TIAM2: variants seen among roughly 807,000 people sequenced by gnomAD.
TIAM2 encodes the protein TIAM Rac1 associated GEF 2.
Under a neutral mutation model 152.9 loss-of-function variants are expected in TIAM2, and 80 were observed. The ratio of observed to expected loss-of-function variants is 0.52; its 90% CI spans 0.44 to 0.63. The LOEUF is 0.63. Among genes scored for constraint, TIAM2 ranks in the 30% least tolerant of loss-of-function variants. The pLI is 0.00. For synonymous variants in TIAM2, 804 were observed against 838.0 expected (o/e 0.96, Z 0.70); for missense variants, 1,965 against 2,120.1 (o/e 0.93, Z 1.44).
At chr6:155,008,719 C>T (rs113997220) in intron 1 of TIAM2, among the ~76,000 whole-genome samples, 1 of 152,114 alleles carries the variant, frequency 6.6e-6, no homozygotes. Context: ...CTGGAATGTA[C>T]GTATATTCCA....
At chr6:155,026,447 C>T (rs182494242) in intron 1 of TIAM2, among the ~76,000 whole-genome samples, 12 of 152,290 alleles carry the variant, frequency 7.9e-5, no homozygotes, top group African/African-American at 7.2e-5. Flanking sequence ...ACTGTTTCAA[C>T]GCTAAGCAGT....
chr6:155,111,104 C>G (rs1778836301), intron 2 of TIAM2, among the ~76,000 whole-genome samples: 1 of 151,956 alleles, frequency 6.6e-6, no homozygotes, highest in Non-Finnish European at 1.5e-5. Context: ...TGAGAAGAAA[C>G]CAAGTGGAGA....
intron 14 of TIAM2, among the ~76,000 whole-genome samples, chr6:155,201,599 C>G (rs1412038667): frequency 6.6e-6 from 1 of 152,178 alleles, no homozygotes; most frequent in Non-Finnish European, 1.5e-5. Flanking sequence ...TCAGTCACTG[C>G]CATAGCCTGC....
rs941898850 is a variant in TIAM2 at position 155,169,240 on chromosome 6, C to A, written c.2361+3831C>A. ...TCGATCTCCTGACCTTGTGATCCACCCACCTCGGCCTCCCAAAGTGCTGGG... is the reference window on the plus strand; with the variant it reads ...TCGATCTCCTGACCTTGTGATCCACACACCTCGGCCTCCCAAAGTGCTGGG... On this transcript the variant is annotated intron_variant, in intron 9 of 26. Transcript: ENST00000682666. Among the ~76,000 whole-genome samples the A allele has an allele frequency of 1.1e-4, 16 of 152,198 alleles. No individual in the cohort carries two copies. The East Asian group carries it at 3.1e-3, about 29-fold the overall frequency.
chr6:155,222,614 AAAC>A (rs563545023), intron 15 of TIAM2, among the ~76,000 whole-genome samples: 656 of 15,316 alleles, frequency 0.043, 7 homozygotes, highest in Non-Finnish European at 0.062. Flanking sequence ...AACAAAAAAC[AAAC>A]AAAAAAAAAA....
chr6:155,114,036 A>ATT (rs869241399), intron 2 of TIAM2, among the ~76,000 whole-genome samples: 581 of 34,888 alleles, frequency 0.017, 10 homozygotes, highest in Non-Finnish European at 0.023. Context: ...ATATATATAT[A>ATT]TTTTTTTTTT....
intron 1 of TIAM2, among the ~76,000 whole-genome samples, chr6:155,051,314 A>AGAG (rs542976487): frequency 3.2e-4 from 49 of 152,328 alleles, no homozygotes; most frequent in African/African-American, 1.1e-3. Context: ...CCCTGGGAGC[A>AGAG]GAGCCCGCTT....
chr6:155,184,236 G>T (rs182542066), intron 14 of TIAM2, among the ~76,000 whole-genome samples: 4 of 152,076 alleles, frequency 2.6e-5, no homozygotes, highest in African/African-American at 7.2e-5. Context: ...TGATCTACCC[G>T]CCTCGGTCTC....
chr6:155,103,580 C>T (rs868713107), intron 2 of TIAM2, among the ~76,000 whole-genome samples: 4 of 151,434 alleles, frequency 2.6e-5, no homozygotes, highest in South Asian at 2.1e-4. Context: ...AAAAATTAGC[C>T]GGGTGTGGTG....
chr6:155,086,079 G>A (rs1159678856), intron 1 of TIAM2, among the ~76,000 whole-genome samples: 2 of 152,206 alleles, frequency 1.3e-5, no homozygotes, highest in East Asian at 3.9e-4. Flanking sequence ...TGAAAGAATA[G>A]CCACTTGCTG....
intron 16 of TIAM2, among the ~76,000 whole-genome samples, chr6:155,243,168 T>A (rs11755465): frequency 6.6e-6 from 1 of 152,060 alleles, no homozygotes; most frequent in Non-Finnish European, 1.5e-5. Flanking sequence ...GTTTAGCCAT[T>A]AGAGCTGCAG....
At chr6:155,151,841 T>C (rs1235494566) in intron 7 of TIAM2, among the ~76,000 whole-genome samples, 5 of 95,830 alleles carry the variant, frequency 5.2e-5, no homozygotes, top group African/African-American at 6.5e-5. Context: ...TTTTTTTTCT[T>C]TTTTTTTCTT....
intron 12 of TIAM2, among the ~76,000 whole-genome samples, chr6:155,180,423 A>G (rs1284006174): frequency 6.6e-6 from 1 of 152,222 alleles, no homozygotes; most frequent in Non-Finnish European, 1.5e-5. Flanking sequence ...TTAGATAATG[A>G]TTGGTAAATA....
chr6:155,187,573 C>CCCTCTTTT (rs1189509294), intron 14 of TIAM2, among the ~76,000 whole-genome samples: 1 of 49,622 alleles, frequency 2.0e-5, no homozygotes, highest in Non-Finnish European at 3.7e-5. Context: ...ACCCCGCCCC[C>CCCTCTTTT]TTTTTTTTTT....
At chr6:155,133,314 T>G (rs751429358) in intron 4 of TIAM2, among the ~76,000 whole-genome samples, 6 of 152,062 alleles carry the variant, frequency 3.9e-5, no homozygotes, top group Non-Finnish European at 7.4e-5. Context: ...GCCAGCGCAC[T>G]CCAGCCTGGG....
intron 1 of TIAM2, among the ~76,000 whole-genome samples, chr6:155,028,687 TATA>T (rs1261708725): frequency 3.9e-5 from 5 of 127,752 alleles, no homozygotes; most frequent in East Asian, 2.1e-4. Flanking sequence ...ATATACTACA[TATA>T]ATATATATAC....
intron 2 of TIAM2, among the ~76,000 whole-genome samples, chr6:155,117,010 C>T (rs991907504): frequency 7.4e-5 from 11 of 148,118 alleles, no homozygotes; most frequent in Non-Finnish European, 1.0e-4. Flanking sequence ...TTGAAGTAGA[C>T]GGGGGAGAAA....
intron 14 of TIAM2, among the ~76,000 whole-genome samples, chr6:155,203,048 C>CAA (rs59836931): frequency 2.9e-4 from 23 of 78,726 alleles, no homozygotes; most frequent in African/African-American, 8.1e-4. Context: ...AACTCTGTCT[C>CAA]AAAAAAAAAA....
chr6:155,086,965 A>G (rs1193446790), intron 1 of TIAM2, among the ~76,000 whole-genome samples: 1 of 152,220 alleles, frequency 6.6e-6, no homozygotes, highest in Non-Finnish European at 1.5e-5. Flanking sequence ...GGGAAAGGTA[A>G]GTGAGTTCTA....
Sources: gnomAD v4.1 joint callset for allele counts (sites outside exome capture counted in the v4.1 genomes callset) on GRCh38, gnomAD v4.1.1 for gene constraint, MANE v1.5 for transcripts, NCBI Gene and HGNC (gene_info 2026-07-23, HGNC 2026-07-21) for gene names.